PTPN3: variants seen among roughly 807,000 people sequenced by gnomAD.
PTPN3 encodes the protein tyrosine-protein phosphatase non-receptor type 3.
A neutral mutation model predicts 132.7 loss-of-function variants in PTPN3; 96 were observed. The ratio of observed to expected loss-of-function variants is 0.72; its 90% confidence interval spans 0.61 to 0.86. The LOEUF (loss-of-function observed/expected upper bound fraction) is 0.86, where lower values mean the gene tolerates loss of function less well. Ranked by LOEUF, PTPN3 falls within the 40% of genes least tolerant of loss-of-function variation. The probability of loss-of-function intolerance (pLI) is 0.00; values close to 1 mark genes in which losing one functional copy is unlikely to be tolerated. For missense variants in PTPN3, 1,125 were observed against 1,159.6 expected, an observed-to-expected ratio of 0.97 and a Z score of 0.43; for synonymous variants, 398 against 429.0, an observed-to-expected ratio of 0.93 and a Z score of 0.89.
chr9:109,408,409 AGTT>A, intron 16 of PTPN3, 32 bp from the exon 17 acceptor site: 1 of 1,506,712 alleles, frequency 6.6e-7, no homozygotes, highest in Non-Finnish European at 8.9e-7. Flanking sequence ...AACAAAACAA[AGTT>A]TTTTAAGTTA....
intron 9 of PTPN3, among the ~76,000 whole-genome samples, chr9:109,434,910 A>G (rs926452002): frequency 1.4e-4 from 22 of 152,198 alleles, no homozygotes; most frequent in Admixed American, 4.6e-4. Context: ...CAATGTGAAC[A>G]TGGAGTTAGA....
chr9:109,442,709 A>C (rs1017122052), intron 7 of PTPN3, among the ~76,000 whole-genome samples: 2 of 152,244 alleles, frequency 1.3e-5, no homozygotes, highest in African/African-American at 4.8e-5. Flanking sequence ...GACACGTGCC[A>C]TGCACTATTC....
At chr9:109,463,248 T>C (rs779893230) in intron 2 of PTPN3, 49 bp downstream of exon 2, 1 of 1,480,028 alleles carries the variant, frequency 6.8e-7, no homozygotes, top group South Asian at 1.3e-5. Flanking sequence ...AAACTATTTG[T>C]TAGGAGCATT....
chr9:109,534,114 A>G, the PTPN3 span: 5 of 787,326 alleles, frequency 6.4e-6, no homozygotes, highest in Non-Finnish European at 1.2e-5. Context: ...TGATGAAAGC[A>G]TATCCGTTCC....
At chr9:109,458,618 C>T (rs868428272) in intron 2 of PTPN3, among the ~76,000 whole-genome samples, 1 of 152,132 alleles carries the variant, frequency 6.6e-6, no homozygotes, top group African/African-American at 2.4e-5. Context: ...TCAGATTATT[C>T]GGTCTGAAGT....
At chr9:109,433,723 T>C (rs904959686) in intron 9 of PTPN3, among the ~76,000 whole-genome samples, 1 of 151,998 alleles carries the variant, frequency 6.6e-6, no homozygotes, top group Non-Finnish European at 1.5e-5. Context: ...CTGGGCAACA[T>C]GGCGAAACTC....
chr9:109,529,251 G>A, the PTPN3 span, among the ~76,000 whole-genome samples: 14 of 152,306 alleles, frequency 9.2e-5, no homozygotes, highest in East Asian at 3.9e-4. Flanking sequence ...TGAAATCTTG[G>A]TCTCTCAATC....
intron 10 of PTPN3, among the ~76,000 whole-genome samples, chr9:109,432,782 G>A (rs943625990): frequency 6.6e-6 from 1 of 152,180 alleles, no homozygotes; most frequent in Non-Finnish European, 1.5e-5. Flanking sequence ...CCAATGTACT[G>A]CCCAGGAAAA....
At chr9:109,532,886 G>T in the PTPN3 span, 3 of 1,111,298 alleles carry the variant, frequency 2.7e-6, no homozygotes, top group South Asian at 2.1e-5. Flanking sequence ...ATTATCAGCT[G>T]GTGGATCGGC....
chr9:109,433,245 T>C (rs1486732177), intron 9 of PTPN3, 84 bp from the exon 10 acceptor site: 37 of 1,559,874 alleles, frequency 2.4e-5, no homozygotes, highest in Non-Finnish European at 3.2e-5. Flanking sequence ...CACGCTGTTA[T>C]AAATAGTCAT....
chr9:109,484,395 C>T (rs1368609214), intron 1 of PTPN3, among the ~76,000 whole-genome samples: 2 of 152,190 alleles, frequency 1.3e-5, no homozygotes, highest in African/African-American at 4.8e-5. Flanking sequence ...AGTGGGGGCC[C>T]GGTGATGGTC....
chr9:109,518,854 T>G, the PTPN3 span, among the ~76,000 whole-genome samples: 1 of 152,096 alleles, frequency 6.6e-6, no homozygotes, highest in African/African-American at 2.4e-5. Context: ...GCTGATAAGG[T>G]CAGTGCAGGG....
At chr9:109,429,418 G>C (rs1020326670) in intron 10 of PTPN3, among the ~76,000 whole-genome samples, 1 of 152,188 alleles carries the variant, frequency 6.6e-6, no homozygotes, top group African/African-American at 2.4e-5. Flanking sequence ...CCTTCTCAGA[G>C]AGCGGCCTTG....
chr9:109,506,461 A>G, the PTPN3 span, among the ~76,000 whole-genome samples: 62 of 144,362 alleles, frequency 4.3e-4, no homozygotes, highest in African/African-American at 1.5e-3. Context: ...TCTTTCTTTC[A>G]TTTCTCTCCC....
chr9:109,508,110 G>T, the PTPN3 span, among the ~76,000 whole-genome samples: 1 of 151,696 alleles, frequency 6.6e-6, no homozygotes, highest in African/African-American at 2.4e-5. Context: ...ATCTCCACTG[G>T]CTATGAGCTC....
chr9:109,507,706 C>T, the PTPN3 span, among the ~76,000 whole-genome samples: 3 of 152,324 alleles, frequency 2.0e-5, no homozygotes, highest in Non-Finnish European at 2.9e-5. Flanking sequence ...TAAGGCACAT[C>T]GTCTTCACAT....
intron 1 of PTPN3, among the ~76,000 whole-genome samples, chr9:109,473,106 A>C (rs1436609558): frequency 6.6e-6 from 1 of 152,144 alleles, no homozygotes; most frequent in Non-Finnish European, 1.5e-5. Flanking sequence ...GAGTCTTCAG[A>C]TTTTTCTCTA....
At chr9:109,520,673 C>T in the PTPN3 span, among the ~76,000 whole-genome samples, 1 of 152,166 alleles carries the variant, frequency 6.6e-6, no homozygotes, top group East Asian at 1.9e-4. Context: ...CTCTTTGCGC[C>T]CTCTACTGTT....
the PTPN3 span, among the ~76,000 whole-genome samples, chr9:109,508,514 A>G: frequency 6.6e-6 from 1 of 152,110 alleles, no homozygotes. Flanking sequence ...TGAGTTATCA[A>G]TGTGTGTGCC....
Sources: allele counts gnomAD v4.1 joint callset (sites outside exome capture counted in the v4.1 genomes callset), GRCh38; gene constraint gnomAD v4.1.1; transcripts MANE v1.5; gene names NCBI Gene and HGNC (gene_info 2026-07-23, HGNC 2026-07-21).